The following MACF1 variants were observed in gnomAD, a reference collection of about 807,000 sequenced individuals.
MACF1 encodes microtubule-actin cross-linking factor 1.
In MACF1, 193 loss-of-function variants were observed where a neutral mutation model predicts 854.8. The observed-to-expected ratio is 0.23, with a 90% CI of 0.20 to 0.25. MACF1 has a LOEUF of 0.25. Ranked by LOEUF, MACF1 falls within the 10% of genes least tolerant of loss-of-function variation. The pLI is 1.00. For synonymous variants in MACF1, 3,185 were observed against 3,226.7 expected (o/e 0.99, Z 0.44); for missense variants, 7,722 against 8,929.1 (o/e 0.86, Z 5.45).
intron 84 of MACF1, among the ~76,000 whole-genome samples, chr1:39,450,825 A>G (rs1415790921): frequency 6.6e-6 from 1 of 151,380 alleles, no homozygotes; most frequent in Non-Finnish European, 1.5e-5. Flanking sequence ...GTTAGCCAGG[A>G]TGGTCTCGAT....
At chr1:39,365,181 A>G (rs1043234474) in intron 49 of MACF1, among the ~76,000 whole-genome samples, 6 of 151,976 alleles carry the variant, frequency 3.9e-5, no homozygotes, top group Admixed American at 3.9e-4. Flanking sequence ...GGTCCATGCC[A>G]TTCTCTGCCT....
chr1:39,338,633 A>T (rs1294623774), intron 38 of MACF1, among the ~76,000 whole-genome samples: 1 of 152,228 alleles, frequency 6.6e-6, no homozygotes, highest in African/African-American at 2.4e-5. Context: ...AAAGTAATTC[A>T]AAGTATCTCT....
chr1:39,447,010 G>C (rs1644244709), intron 80 of MACF1, among the ~76,000 whole-genome samples: 1 of 152,092 alleles, frequency 6.6e-6, no homozygotes, highest in Non-Finnish European at 1.5e-5. Context: ...CATCTTCATA[G>C]TAAATTGCTT....
In MACF1 at chr1:39,331,644, C is replaced by T. The variant is rs1035323941; in HGVS notation, c.5056C>T (p.His1686Tyr). 3.1e-6 allele frequency: 5 copies of T among 1,614,154 alleles called. No individual in the cohort carries two copies. The highest frequency in any genetic ancestry group is 1.6e-4 in the Middle Eastern group (1 of 6,062). The change falls in exon 37 of 101, where the codon CAT becomes TAT. Residue 1686 changes from histidine (H) to tyrosine (Y), a missense_variant. His to Tyr is a moderately conservative substitution (Grantham distance 83). This residue lies in a region of MACF1 where 1,531 missense variants were observed against 1,601.6 expected (regional missense o/e 0.96). Coordinates refer to ENST00000564288, the MANE Select transcript of MACF1 (RefSeq NM_001394062.1). ...FHQGLISAWL[H>Y]SVLESYLRTS... ...TCAAGGCCTCATTTCTGCATGGCTT[C>T]ATTCAGTATTAGAGTCTTATCTTAG...
chr1:39,233,611 C>G (rs1644811387), intron 2 of MACF1, among the ~76,000 whole-genome samples: 1 of 151,832 alleles, frequency 6.6e-6, no homozygotes, highest in Non-Finnish European at 1.5e-5. Context: ...CACATGTCTT[C>G]TTAGGGCCAC....
chr1:39,304,586 CAG>C (rs1483372119), intron 23 of MACF1: 25 of 738,624 alleles, frequency 3.4e-5, no homozygotes, highest in Admixed American at 7.6e-5. Context: ...TTTCTTGAGA[CAG>C]AGCCTTGCTC....
At chr1:39,441,185 G>A (rs1407649085) in intron 73 of MACF1, 39 bp from the exon 74 acceptor site, 3 of 1,613,848 alleles carry the variant, frequency 1.9e-6, no homozygotes, top group East Asian at 2.2e-5. Context: ...CTGAAGAGTG[G>A]TATTGATTGA....
chr1:39,483,324 A>G lies in MACF1; in HGVS notation c.22282-1277A>G, dbSNP rs367677164. ...CTGTGCTGTGCAGAACACAGGAAGC[A>G]GGGGAGAGAATAGAAGTGTACAAGC... On this transcript the variant is annotated intron_variant, in intron 99 of 100. Transcript: ENST00000564288. Among the ~76,000 whole-genome samples, 22 of 152,306 alleles carry G rather than the reference A, an allele frequency of 1.4e-4. No individual in the cohort carries two copies. The South Asian group carries it at 3.9e-3, about 27-fold the overall frequency.
chr1:39,230,908 G>C (rs941743052), intron 1 of MACF1, among the ~76,000 whole-genome samples: 4 of 152,166 alleles, frequency 2.6e-5, no homozygotes, highest in Admixed American at 2.0e-4. Flanking sequence ...GAATCAGTCT[G>C]CTCCCTGCTC....
chr1:39,336,522 G>T lies in MACF1; in HGVS notation c.9934G>T (p.Ala3312Ser), dbSNP rs748535331. Residue 3312 changes from alanine (A) to serine (S), a missense_variant, in exon 37 of 101, where the codon GCA (alanine) becomes TCA (serine). Ala to Ser is a moderately conservative substitution (Grantham distance 99). This residue lies in a region of MACF1 where 854 missense variants were observed against 852.6 expected (regional missense o/e 1.00). Transcript: ENST00000564288. ...GACAGTGTCCCTAACAGTATGCTCT[G>T]CAGTGAAGACAGAGAAGACACCACA... ...EKTVSLTVCS[A>S]VKTEKTPQEK... The T allele has an allele frequency of 5.0e-6, 8 of 1,614,068 alleles. No individual in the cohort carries two copies. In the Admixed American group the frequency reaches 8.3e-5, roughly 17 times the overall value.
At position 39,105,538 on chromosome 1, in the gene MACF1, GT is replaced by G; in HGVS notation, c.220+21101del. 9.5e-6 allele frequency: 10 copies of G among 1,052,940 alleles called. No homozygotes were observed. Among genetic ancestry groups the G allele is most frequent in the Non-Finnish European group, 1.1e-5 (10 of 873,672 alleles). 65.2% of individuals were successfully genotyped at this position (1,052,940 alleles called of 1,614,324 possible). ...TCGCCGTCTCTGAGACGCACAAAGG[GT>G]CGAGGCTGGGGCCGCCGCCGCCTCA... On this transcript the variant is annotated intron_variant, in intron 2 of 93. Transcript: ENST00000361689. The surrounding 1 kb of genome is among the most constrained non-coding windows in gnomAD (Gnocchi z 5.9).
intron 40 of MACF1, among the ~76,000 whole-genome samples, chr1:39,345,567 C>T (rs1051401499): frequency 2.6e-5 from 4 of 152,128 alleles, no homozygotes; most frequent in Admixed American, 6.5e-5. Flanking sequence ...GTTTTGTATG[C>T]ATCACTGCAC....
intron 2 of MACF1, among the ~76,000 whole-genome samples, chr1:39,116,144 A>C (rs1435140517): frequency 6.6e-6 from 1 of 152,210 alleles, no homozygotes; most frequent in Non-Finnish European, 1.5e-5. Context: ...CCAGTAGAGA[A>C]GGAAGATATA....
chr1:39,349,381 T>G, intron 41 of MACF1, 97 bp from the exon 42 acceptor site: 1,284 of 1,286,200 alleles, frequency 1.0e-3, no homozygotes, highest in Non-Finnish European at 1.3e-3. Context: ...TTTCCATCCT[T>G]GAGATATAAC....
At chr1:39,412,987 A>G (rs755298631) in intron 58 of MACF1, 10 of 1,585,974 alleles carry the variant, frequency 6.3e-6, no homozygotes, top group South Asian at 4.6e-5. Flanking sequence ...AGAGAGGGCT[A>G]CTGTCCCAGC....
At chr1:39,146,181 G>A (rs1047122233) in intron 2 of MACF1, among the ~76,000 whole-genome samples, 44 of 152,206 alleles carry the variant, frequency 2.9e-4, no homozygotes, top group African/African-American at 1.0e-3. Flanking sequence ...AGTAGCTCAC[G>A]CCTATAATCC....
chr1:39,447,931 AAG>A, intron 82 of MACF1, 33 bp downstream of exon 82: 1 of 1,612,836 alleles, frequency 6.2e-7, no homozygotes, highest in Non-Finnish European at 8.5e-7. Context: ...TAATTCACTG[AAG>A]AGTCTTGGGC....
intron 58 of MACF1, among the ~76,000 whole-genome samples, chr1:39,418,954 C>T (rs529254566): frequency 6.6e-6 from 1 of 152,214 alleles, no homozygotes; most frequent in South Asian, 2.1e-4. Flanking sequence ...ATCTTACAAC[C>T]TTGCAACAAT....
chr1:39,466,130 A>T (rs576005755), intron 95 of MACF1, among the ~76,000 whole-genome samples: 1 of 152,268 alleles, frequency 6.6e-6, no homozygotes, highest in South Asian at 2.1e-4. Flanking sequence ...TCACATGCCT[A>T]CTCTCACACA....
Sources: gnomAD v4.1 joint callset for allele counts (sites outside exome capture counted in the v4.1 genomes callset) on GRCh38, gnomAD v4.1.1 for gene constraint, gnomAD v4.1.1 regional missense constraint, Gnocchi (gnomAD v3.1) non-coding constraint, MANE v1.5 for transcripts, NCBI Gene and HGNC (gene_info 2026-07-23, HGNC 2026-07-21) for gene names.